PAX2: variants seen among roughly 807,000 people sequenced by gnomAD.
The protein encoded by PAX2 is paired box protein Pax-2.
PAX2 carries 9 observed loss-of-function variants against 41.7 expected under a neutral mutation model. The observed-to-expected ratio is 0.22, with a 90% CI of 0.13 to 0.38. PAX2 has a LOEUF of 0.38. Among genes scored for constraint, PAX2 ranks in the 10% least tolerant of loss-of-function variants. The pLI is 1.00. For missense variants in PAX2, 418 were observed against 531.6 expected (o/e 0.79, Z 2.10); for synonymous variants, 221 against 212.7 (o/e 1.04, Z -0.34).
In PAX2 at chr10:100,806,509, C is replaced by T. The variant is rs1386223716; in HGVS notation, c.696C>T (p.Thr232=). The change falls in exon 6 of 10, where the codon ACC becomes ACT. Residue 232 remains threonine, a synonymous_variant. Coordinates refer to ENST00000355243, the MANE Select transcript of PAX2 (RefSeq NM_000278.5). ...TGCGGAAGCACTTGCGAGCTGACAC[C>T]TTCACCCAGCAGCAGCTGGAAGCTT... ...DSLRKHLRAD[T]FTQQQLEALD... 1.2e-6 allele frequency: 2 copies of T among 1,614,240 alleles called. No homozygotes were observed. Among genetic ancestry groups the T allele is most frequent in the South Asian group, 1.1e-5 (1 of 91,088 alleles).
upstream of PAX2, among the ~76,000 whole-genome samples, chr10:100,743,959 G>A (rs1374096431): frequency 1.3e-5 from 2 of 152,228 alleles, no homozygotes; most frequent in Admixed American, 6.5e-5. Flanking sequence ...GGCTCTGGAG[G>A]ATACAGGAGG....
At chr10:100,817,579 G>A (rs1848233030) in intron 7 of PAX2, among the ~76,000 whole-genome samples, 1 of 152,110 alleles carries the variant, frequency 6.6e-6, no homozygotes, top group African/African-American at 2.4e-5. Flanking sequence ...GCAGATCTGG[G>A]TAACATCCCT....
At chr10:100,780,311 C>T (rs139650689) in intron 4 of PAX2, among the ~76,000 whole-genome samples, 127 of 152,296 alleles carry the variant, frequency 8.3e-4, no homozygotes, top group African/African-American at 2.9e-3. Context: ...CTGTCCCCAA[C>T]GCACACAGAC....
At position 100,824,517 on chromosome 10, in the gene PAX2, ACACATACC is replaced by A; in HGVS notation, c.920-129_920-122del. 2 of 759,468 alleles carry A rather than the reference ACACATACC, an allele frequency of 2.6e-6. No individual in the cohort carries two copies. Among genetic ancestry groups the A allele is most frequent in the Non-Finnish European group, 4.8e-6 (2 of 419,010 alleles). The allele number at this position is 759,468 out of a possible 1,614,324, so 47.0% of individuals were successfully genotyped here. ...ATGGCGCATTCAGGTGCACAGTGGC[ACACATACC>A]CCTGCACGTCTGCACAGAGCTCTTT... On this transcript the variant is annotated intron_variant, in intron 7 of 9. Coordinates refer to ENST00000355243, the MANE Select transcript of PAX2 (RefSeq NM_000278.5). The surrounding 1 kb of genome is among the most constrained non-coding windows in gnomAD (Gnocchi z 6.6).
intron 5 of PAX2, among the ~76,000 whole-genome samples, chr10:100,790,487 G>C (rs1438472126): frequency 6.6e-6 from 1 of 152,186 alleles, no homozygotes; most frequent in Non-Finnish European, 1.5e-5. Flanking sequence ...GCACCAAGCA[G>C]GAAATCTGCT....
In PAX2 at chr10:100,827,460, G is replaced by T; in HGVS notation, c.1109-83G>T. The T allele has an allele frequency of 7.1e-7, 1 of 1,399,032 alleles. No individual in the cohort carries two copies. Among genetic ancestry groups the T allele is most frequent in the Non-Finnish European group, 1.0e-6 (1 of 985,022 alleles). 86.7% of individuals were successfully genotyped at this position (1,399,032 alleles called of 1,614,324 possible). On this transcript the variant is annotated intron_variant, in intron 9 of 9. Transcript: ENST00000355243. This position sits in a 1 kb window ranked among gnomAD's most constrained non-coding sequence, Gnocchi z 8.5. ...TCCCGCTGGACCCCAGCCAGGGGAG[G>T]TCTTTTCTGTGCTTTTCTTTCCTTT...
chr10:100,817,981 C>T (rs562018676), intron 7 of PAX2, among the ~76,000 whole-genome samples: 2 of 152,258 alleles, frequency 1.3e-5, no homozygotes, highest in Non-Finnish European at 2.9e-5. Context: ...ATTTAGGCAG[C>T]AATTACAAAT....
chr10:100,743,600 C>T (rs1244536766), upstream of PAX2, among the ~76,000 whole-genome samples: 3 of 152,214 alleles, frequency 2.0e-5, no homozygotes, highest in African/African-American at 7.2e-5. Flanking sequence ...AATTACTTCC[C>T]AGAGGGGAAA....
intron 3 of PAX2, among the ~76,000 whole-genome samples, chr10:100,777,552 G>T (rs747017911): frequency 6.6e-6 from 1 of 151,932 alleles, no homozygotes; most frequent in Non-Finnish European, 1.5e-5. Flanking sequence ...CTGCCACCAT[G>T]CCTGGCTAAT....
chr10:100,740,258 G>C (rs528469428), intron 1 of PAX2, among the ~76,000 whole-genome samples: 46 of 152,298 alleles, frequency 3.0e-4, no homozygotes, highest in African/African-American at 1.1e-3. Flanking sequence ...TAACCCGGCT[G>C]TTGGTGGTGG....
chr10:100,767,280 G>C (rs1846061687), intron 3 of PAX2, among the ~76,000 whole-genome samples: 1 of 152,186 alleles, frequency 6.6e-6, no homozygotes, highest in African/African-American at 2.4e-5. Flanking sequence ...CAAGCACGAT[G>C]CAGCCTGCCA....
chr10:100,762,692 A>T (rs1226343898), intron 3 of PAX2, among the ~76,000 whole-genome samples: 1 of 152,150 alleles, frequency 6.6e-6, no homozygotes, highest in South Asian at 2.1e-4. Context: ...AGGAAAGGAA[A>T]TGGAGGTAGG....
intron 3 of PAX2, among the ~76,000 whole-genome samples, chr10:100,772,990 C>T (rs1021701339): frequency 3.3e-5 from 5 of 152,168 alleles, no homozygotes; most frequent in African/African-American, 1.2e-4. Flanking sequence ...AGGGAAACCT[C>T]TCACCCTTCA....
intron 5 of PAX2, chr10:100,786,829 T>C (rs1846887326): frequency 1.8e-6 from 1 of 556,438 alleles, no homozygotes; most frequent in South Asian, 1.5e-5. Context: ...CTCAGAACCC[T>C]TGTAGCCCTT....
At chr10:100,736,597 C>G (rs562228217) in intron 1 of PAX2, among the ~76,000 whole-genome samples, 90 of 138,540 alleles carry the variant, frequency 6.5e-4, no homozygotes, top group Non-Finnish European at 1.0e-3. Flanking sequence ...TTGCTCCCCC[C>G]TCCCCCAGCT....
chr10:100,747,467 T>C, intron 1 of PAX2: 1 of 219,504 alleles, frequency 4.6e-6, no homozygotes, highest in Non-Finnish European at 6.9e-6. Flanking sequence ...TATTCTGAGA[T>C]TTTTTTTGCA....
chr10:100,770,588 G>T (rs1846176266), intron 3 of PAX2, among the ~76,000 whole-genome samples: 1 of 152,234 alleles, frequency 6.6e-6, no homozygotes, highest in South Asian at 2.1e-4. Flanking sequence ...CCAGCCCCAT[G>T]GCCCATCTAG....
Position 100,745,650 on chromosome 10 carries a change from G to C in PAX2, c.-611G>C, listed in dbSNP as rs1033154751. On this transcript the variant is annotated 5_prime_UTR_variant, in exon 1 of 10. Transcript: ENST00000355243. ...CAGCCCAGAGCTGCCAGCGCCGCTC[G>C]GCTCCCTCCCTCCCTCCCGGCCCTT... 1.5e-6 allele frequency: 1 copy of C among 675,814 alleles called. No individual in the cohort carries two copies. 41.9% of individuals were successfully genotyped at this position (675,814 alleles called of 1,614,324 possible). A position where few individuals can be genotyped will look rare whatever the true frequency, so the allele number is the denominator to read the frequency against.
chr10:100,784,814 C>T lies in PAX2; in HGVS notation c.616+3449C>T, dbSNP rs370398415. Among the ~76,000 whole-genome samples, 67 of 152,312 alleles carry T rather than the reference C, an allele frequency of 4.4e-4. 1 individual carries two copies. The South Asian group carries it at 0.014, about 32-fold the overall frequency. On this transcript the variant is annotated intron_variant, in intron 5 of 9. Transcript: ENST00000355243. ...AGCTGTGACTCTGGGGAAAAACTGG[C>T]AGTGACTGTGAGCCTGTTTGAGACC... is the stretch of plus-strand genomic sequence containing the variant.
Sources: allele counts gnomAD v4.1 joint callset (sites outside exome capture counted in the v4.1 genomes callset), GRCh38; gene constraint gnomAD v4.1.1; non-coding constraint Gnocchi (gnomAD v3.1); transcripts MANE v1.5; gene names NCBI Gene and HGNC (gene_info 2026-07-23, HGNC 2026-07-21).